CFDP1: variants seen among roughly 807,000 people sequenced by gnomAD.
CFDP1 encodes the protein chromatin remodeling protein CFDP1.
Under a neutral mutation model 40.1 loss-of-function variants are expected in CFDP1, and 31 were observed. The ratio of observed to expected loss-of-function variants is 0.77; its 90% CI spans 0.58 to 1.04. CFDP1 has a LOEUF of 1.04. CFDP1 is among the 50% of genes least tolerant of loss of function. The pLI, the probability that CFDP1 is intolerant of heterozygous loss-of-function variation, is 0.00. For synonymous variants in CFDP1, 167 were observed against 120.0 expected (o/e 1.39, Z -2.56); for missense variants, 423 against 343.4 (o/e 1.23, Z -1.83).
chr16:75,413,539 C>A (rs1252633150), intron 2 of CFDP1, among the ~76,000 whole-genome samples: 1 of 98,594 alleles, frequency 1.0e-5, no homozygotes, highest in African/African-American at 4.3e-5. Flanking sequence ...GGCAACAGGG[C>A]GAGACTCTGT....
At chr16:75,392,391 C>T (rs762029112) in intron 5 of CFDP1, among the ~76,000 whole-genome samples, 31 of 150,728 alleles carry the variant, frequency 2.1e-4, no homozygotes, top group Admixed American at 4.7e-4. Flanking sequence ...GGAAACAGTG[C>T]GAGACTCCAA....
intron 6 of CFDP1, among the ~76,000 whole-genome samples, chr16:75,294,360 A>C (rs142434422): frequency 1.9e-3 from 289 of 152,352 alleles, no homozygotes; most frequent in South Asian, 0.011. Flanking sequence ...TCCTAGCTCT[A>C]GCTCACTGAT....
chr16:75,329,461 C>T (rs1168744549), intron 5 of CFDP1, among the ~76,000 whole-genome samples: 2 of 152,058 alleles, frequency 1.3e-5, no homozygotes, highest in African/African-American at 2.4e-5. Context: ...CCGTGATAAC[C>T]AGTTTGGCTT....
intron 5 of CFDP1, among the ~76,000 whole-genome samples, chr16:75,336,025 A>C (rs1285283215): frequency 6.6e-6 from 1 of 152,220 alleles, no homozygotes. Context: ...AAAATAATCT[A>C]AATGAAATTA....
At chr16:75,295,235 C>T (rs2078174233) in intron 6 of CFDP1, among the ~76,000 whole-genome samples, 1 of 152,212 alleles carries the variant, frequency 6.6e-6, no homozygotes, top group Non-Finnish European at 1.5e-5. Flanking sequence ...CATCCTACCT[C>T]ATTTCCAGCT....
chr16:75,395,208 C>T lies in CFDP1; in HGVS notation c.532G>A (p.Val178Ile). 2 of 1,612,234 alleles carry T rather than the reference C, an allele frequency of 1.2e-6. No individual in the cohort carries two copies. The highest frequency in any genetic ancestry group is 1.7e-6 in the Non-Finnish European group (2 of 1,179,036). ...GATGTAGCATCCACTTCCTTAGTTA[C>T]CCTGTGCCAAGGAAAAAGACATCAA... The part of the protein sequence containing the change: ...VFDFAGEEVR[V>I]TKEVDATSKE... Residue 178 changes from valine to isoleucine, a missense_variant and splice_region_variant, in exon 5 of 7, where the codon GTA (valine) becomes ATA (isoleucine). By Grantham distance (29) the Val-to-Ile change is conservative. Transcript: ENST00000283882.
intron 5 of CFDP1, among the ~76,000 whole-genome samples, chr16:75,345,391 A>G (rs1291676835): frequency 1.3e-5 from 2 of 152,158 alleles, no homozygotes; most frequent in Non-Finnish European, 2.9e-5. Flanking sequence ...TGGGAAGTGC[A>G]AGTTGCAGTG....
intron 1 of CFDP1, 75 bp from the exon 2 acceptor site, chr16:75,414,770 AG>A: frequency 1.1e-6 from 1 of 915,060 alleles, no homozygotes; most frequent in East Asian, 2.4e-5. Flanking sequence ...CATTAATACA[AG>A]CTTTCACACC....
chr16:75,418,732 T>TAAAA (rs35716697), intron 1 of CFDP1, among the ~76,000 whole-genome samples: 1 of 130,628 alleles, frequency 7.7e-6, no homozygotes, highest in Non-Finnish European at 1.6e-5. Context: ...AAAGGCTCCC[T>TAAAA]AAAAAAAAAA....
chr16:75,340,575 A>G (rs1220742297), intron 5 of CFDP1, among the ~76,000 whole-genome samples: 6 of 152,226 alleles, frequency 3.9e-5, no homozygotes, highest in Non-Finnish European at 5.9e-5. Context: ...GGGTAAACAG[A>G]ACATAAATAA....
At chr16:75,365,073 C>T (rs564869486) in intron 5 of CFDP1, among the ~76,000 whole-genome samples, 1 of 152,300 alleles carries the variant, frequency 6.6e-6, no homozygotes, top group South Asian at 2.1e-4. Context: ...ACCATGGTGA[C>T]TGGCTAGTTG....
intron 1 of CFDP1, among the ~76,000 whole-genome samples, chr16:75,421,681 C>G (rs2079282218): frequency 6.6e-6 from 1 of 152,122 alleles, no homozygotes; most frequent in African/African-American, 2.4e-5. Flanking sequence ...CTGGAAGAAA[C>G]AAAGCCTGTA....
chr16:75,326,137 G>T (rs1452224435), intron 5 of CFDP1, among the ~76,000 whole-genome samples: 2 of 152,170 alleles, frequency 1.3e-5, no homozygotes, highest in African/African-American at 4.8e-5. Flanking sequence ...GTCATTTTAT[G>T]TGAAAATGAA....
intron 5 of CFDP1, among the ~76,000 whole-genome samples, chr16:75,361,171 G>A (rs1043901868): frequency 7.9e-5 from 12 of 151,946 alleles, no homozygotes; most frequent in Admixed American, 5.2e-4. Flanking sequence ...CACCACACTC[G>A]GCTAATTTTT....
At chr16:75,363,750 C>T (rs996856893) in intron 5 of CFDP1, among the ~76,000 whole-genome samples, 1 of 152,112 alleles carries the variant, frequency 6.6e-6, no homozygotes, top group African/African-American at 2.4e-5. Flanking sequence ...TGTCTTCTGG[C>T]AACTGTCCAG....
Position 75,332,959 on chromosome 16 carries a change from C to T in CFDP1, c.651-27777G>A, listed in dbSNP as rs190254375. Among the ~76,000 whole-genome samples the T allele has an allele frequency of 7.2e-3, 1,083 of 151,184 alleles. 5 individuals carry two copies. Among genetic ancestry groups the T allele is most frequent in the Middle Eastern group, 0.021 (6 of 292 alleles). On this transcript the variant is annotated intron_variant, in intron 5 of 6. Transcript: ENST00000283882. ...AATAGCTAGGATTACAGGGCCCTGC[C>T]ACCATGCCCGGCTAATTTTTGTATT...
In CFDP1 at chr16:75,424,622, C is replaced by T. The variant is rs567043575; in HGVS notation, c.64+8667G>A. Among the ~76,000 whole-genome samples, 9 of 152,112 alleles carry T rather than the reference C, an allele frequency of 5.9e-5. No homozygotes were observed. In the East Asian group the frequency reaches 7.7e-4, roughly 13 times the overall value. ...TACAAAAACTTAGCGGGCGTGGTGG[C>T]GGGCGCCTGTAGTCCCAACTACTCG... On this transcript the variant is annotated intron_variant, in intron 1 of 6. Transcript: ENST00000283882.
At chr16:75,430,414 G>A (rs947377415) in intron 1 of CFDP1, among the ~76,000 whole-genome samples, 3 of 150,616 alleles carry the variant, frequency 2.0e-5, no homozygotes, top group East Asian at 2.0e-4. Flanking sequence ...CAGGCAATCC[G>A]CCCACCACAG....
At chr16:75,302,699 C>A (rs920542759) in intron 6 of CFDP1, among the ~76,000 whole-genome samples, 2 of 152,216 alleles carry the variant, frequency 1.3e-5, no homozygotes, top group African/African-American at 4.8e-5. Flanking sequence ...GAGAACAGGA[C>A]AGAGCTGCGA....
Sources: allele counts gnomAD v4.1 joint callset (sites outside exome capture counted in the v4.1 genomes callset), GRCh38; gene constraint gnomAD v4.1.1; transcripts MANE v1.5; gene names NCBI Gene and HGNC (gene_info 2026-07-23, HGNC 2026-07-21).